RAB37: variants seen among roughly 807,000 people sequenced by gnomAD.
The protein encoded by RAB37 is ras-related protein Rab-37.
RAB37 carries 29 observed loss-of-function variants against 33.1 expected under a neutral mutation model. That is an observed-to-expected ratio of 0.88 (90% CI 0.65 to 1.20). The LOEUF is 1.20. Among genes scored for constraint, RAB37 ranks in the 50% most tolerant of loss-of-function variants. The pLI is 0.00. For synonymous variants in RAB37, 128 were observed against 119.5 expected (o/e 1.07, Z -0.47); for missense variants, 299 against 301.1 (o/e 0.99, Z 0.05).
chr17:74,729,427 T>C lies in RAB37; in HGVS notation c.183+61T>C. 1 of 1,160,748 alleles carries C rather than the reference T, an allele frequency of 8.6e-7. No homozygotes were observed. Among genetic ancestry groups the C allele is most frequent in the South Asian group, 1.2e-5 (1 of 82,096 alleles). 71.9% of individuals were successfully genotyped at this position (1,160,748 alleles called of 1,614,324 possible). A position where few individuals can be genotyped will look rare whatever the true frequency, so the allele number is the denominator to read the frequency against. On this transcript the variant is annotated intron_variant, in intron 2 of 7. Transcript: ENST00000340415. The surrounding 1 kb of genome is among the most constrained non-coding windows in gnomAD (Gnocchi z 4.2). ...GGCTCAGGACCCCAGCGTGTTTCTG[T>C]TGAGTGCCAGCAGGAAACAGGTGGA... is the stretch of plus-strand genomic sequence containing the variant.
intron 1 of RAB37, among the ~76,000 whole-genome samples, chr17:74,686,536 G>A (rs537683677): frequency 3.9e-5 from 6 of 152,088 alleles, no homozygotes; most frequent in Non-Finnish European, 8.8e-5. Flanking sequence ...GATTACAGGC[G>A]TACACCACTA....
At chr17:74,703,139 C>G (rs144047103) in intron 1 of RAB37, 3 of 1,612,822 alleles carry the variant, frequency 1.9e-6, no homozygotes, top group Non-Finnish European at 2.5e-6. Context: ...GGGCAGGAGT[C>G]GACGCTGTAG....
At chr17:74,711,315 G>A (rs116798213) in intron 1 of RAB37, among the ~76,000 whole-genome samples, 236 of 152,172 alleles carry the variant, frequency 1.6e-3, no homozygotes, top group African/African-American at 5.4e-3. Flanking sequence ...CTCCCAACAC[G>A]ACTCTCACAT....
chr17:74,744,115 G>T lies in RAB37; in HGVS notation c.367-193G>T, dbSNP rs2034689157. ...AGTTGCACAGCATAAAATGGTGAGG[G>T]TGGGGCCATTGTGGGTTGAGCCACC... On this transcript the variant is annotated intron_variant, in intron 5 of 8. Transcript: ENST00000392613. This position sits in a 1 kb window ranked among gnomAD's most constrained non-coding sequence, Gnocchi z 4.2. Among the ~76,000 whole-genome samples, 1 of 152,140 alleles carries T rather than the reference G, an allele frequency of 6.6e-6. No individual in the cohort carries two copies. The highest frequency in any genetic ancestry group is 2.1e-4 in the South Asian group (1 of 4,828).
chr17:74,698,808 C>T (rs57078316), intron 1 of RAB37, among the ~76,000 whole-genome samples: 18,458 of 152,200 alleles, frequency 0.12, 2,321 homozygotes, highest in African/African-American at 0.31. Context: ...CACAAAACCC[C>T]GGTGACGTGC....
At position 74,689,127 on chromosome 17, in the gene RAB37, T is replaced by C. The variant is rs1243725641; in HGVS notation, c.72+17469T>C. On this transcript the variant is annotated intron_variant, in intron 1 of 7. Coordinates refer to the RAB37 transcript ENST00000340415. ...CAGCCTGGCCAACATGGTGAAACCC[T>C]GTCTCTACTAAAAATACAAAATTAA... 2.0e-5 allele frequency among the ~76,000 whole-genome samples: 3 copies of C among 151,992 alleles called. No homozygotes were observed. In the East Asian group the frequency reaches 5.8e-4, roughly 29 times the overall value.
chr17:74,705,776 G>A (rs1030638681), intron 1 of RAB37, among the ~76,000 whole-genome samples: 1 of 152,050 alleles, frequency 6.6e-6, no homozygotes, highest in Non-Finnish European at 1.5e-5. Flanking sequence ...TGTAGTTTTA[G>A]TAGAAACAGG....
At chr17:74,685,329 T>A (rs2032032676) in intron 1 of RAB37, among the ~76,000 whole-genome samples, 1 of 152,034 alleles carries the variant, frequency 6.6e-6, no homozygotes, top group Non-Finnish European at 1.5e-5. Context: ...GGATTACAAG[T>A]GTGCACCATC....
intron 1 of RAB37, among the ~76,000 whole-genome samples, chr17:74,728,502 GTC>G (rs1205273860): frequency 2.0e-5 from 3 of 151,474 alleles, no homozygotes; most frequent in Non-Finnish European, 2.9e-5. Context: ...ACGTTTTTGT[GTC>G]TGTGTGTGCA....
At position 74,729,113 on chromosome 17, in the gene RAB37, TTGTGTGTGTGTGTTTC is replaced by T. The variant is rs1358764456; in HGVS notation, c.73-129_73-114del. 4 of 670,880 alleles carry T rather than the reference TTGTGTGTGTGTGTTTC, an allele frequency of 6.0e-6. No individual in the cohort carries two copies. The highest frequency in any genetic ancestry group is 1.1e-5 in the Non-Finnish European group (4 of 359,466). The allele number at this position is 670,880 out of a possible 1,614,324, so 41.6% of individuals were successfully genotyped here. A position where few individuals can be genotyped will look rare whatever the true frequency, so the allele number is the denominator to read the frequency against. ...ATGTCTGTATGTGTGTGTCAGTGTC[TTGTGTGTGTGTGTTTC>T]TGTGTGTGTGTGTGCATGTTGTGCA... On this transcript the variant is annotated intron_variant, in intron 1 of 7. Coordinates refer to the RAB37 transcript ENST00000340415. The surrounding 1 kb of genome is among the most constrained non-coding windows in gnomAD (Gnocchi z 4.2).
upstream of RAB37, chr17:74,737,241 G>C (rs747895549): frequency 3.9e-6 from 6 of 1,542,668 alleles, no homozygotes; most frequent in South Asian, 7.1e-5. Context: ...CTTCGCCTGC[G>C]GGCCGGCACT....
chr17:74,689,779 A>T (rs2032125408), intron 1 of RAB37, among the ~76,000 whole-genome samples: 1 of 152,190 alleles, frequency 6.6e-6, no homozygotes, highest in Non-Finnish European at 1.5e-5. Context: ...TGTCAAGCAA[A>T]GGTAGCCTTT....
At chr17:74,733,583 G>GTGTGTGTGGTGAGGTGTGTT, upstream of RAB37, among the ~76,000 whole-genome samples, 1 of 61,748 alleles carries the variant, frequency 1.6e-5, no homozygotes, top group Non-Finnish European at 3.5e-5. Context: ...TGAGGTGTGT[G>GTGTGTGTGGTGAGGTGTGTT]TGTCTGTGGT....
At chr17:74,675,238 C>T (rs2031801317) in intron 1 of RAB37, among the ~76,000 whole-genome samples, 1 of 151,986 alleles carries the variant, frequency 6.6e-6, no homozygotes, top group African/African-American at 2.4e-5. Context: ...AGATCGAGAC[C>T]ATCCTGGCCA....
At chr17:74,697,928 G>A (rs1434124293) in intron 1 of RAB37, among the ~76,000 whole-genome samples, 3 of 152,082 alleles carry the variant, frequency 2.0e-5, no homozygotes, top group Non-Finnish European at 4.4e-5. Context: ...GCCCATGATC[G>A]CGCATGTGTG....
chr17:74,673,536 T>A (rs1236629238), intron 1 of RAB37, among the ~76,000 whole-genome samples: 7 of 151,664 alleles, frequency 4.6e-5, no homozygotes, highest in Admixed American at 2.6e-4. Flanking sequence ...GTATAAATAC[T>A]CATTTTGAAA....
intron 1 of RAB37, 73 bp from the exon 2 acceptor site, chr17:74,740,695 C>T (rs1468424898): frequency 1.3e-5 from 14 of 1,046,560 alleles, no homozygotes; most frequent in Non-Finnish European, 2.1e-5. Flanking sequence ...TGATCCTCTC[C>T]ATGTGTCTCT....
In RAB37 at chr17:74,730,449, A is replaced by G. The variant is rs1276374066; in HGVS notation, c.183+1083A>G. 1.3e-5 allele frequency among the ~76,000 whole-genome samples: 2 copies of G among 152,180 alleles called. No individual in the cohort carries two copies. Among genetic ancestry groups the G allele is most frequent in the Non-Finnish European group, 2.9e-5 (2 of 68,010 alleles). On this transcript the variant is annotated intron_variant, in intron 2 of 7. Coordinates refer to the RAB37 transcript ENST00000340415. This position sits in a 1 kb window ranked among gnomAD's most constrained non-coding sequence, Gnocchi z 4.4. ...GCTTCTGCATGACCTTCCAGGAGGC[A>G]AAGCGGAAGTGAGTGCCTGGTTCGG...
intron 1 of RAB37, among the ~76,000 whole-genome samples, chr17:74,681,623 C>G (rs1198671647): frequency 2.0e-5 from 3 of 152,224 alleles, no homozygotes; most frequent in Non-Finnish European, 4.4e-5. Flanking sequence ...GAGGGGCACG[C>G]CACGTGAGCT....
Sources: gnomAD v4.1 joint callset for allele counts (sites outside exome capture counted in the v4.1 genomes callset) on GRCh38, gnomAD v4.1.1 for gene constraint, Gnocchi (gnomAD v3.1) non-coding constraint, MANE v1.5 for transcripts, NCBI Gene and HGNC (gene_info 2026-07-23, HGNC 2026-07-21) for gene names.